The following SLC25A4 variants were observed in gnomAD, a reference collection of about 807,000 sequenced individuals.
The protein encoded by SLC25A4 is ADP/ATP translocase 1.
Under a neutral mutation model 24.7 loss-of-function variants are expected in SLC25A4, and 10 were observed. The ratio of observed to expected loss-of-function variants is 0.41; its 90% CI spans 0.25 to 0.69. The LOEUF (loss-of-function observed/expected upper bound fraction) is 0.69, where lower values mean the gene tolerates loss of function less well. Among genes scored for constraint, SLC25A4 ranks in the 30% least tolerant of loss-of-function variants. The pLI is 0.35. For missense variants in SLC25A4, 273 were observed against 387.6 expected (o/e 0.70, Z 2.48); for synonymous variants, 125 against 153.3 (o/e 0.82, Z 1.36).
intron 1 of SLC25A4, among the ~76,000 whole-genome samples, chr4:185,144,120 A>C (rs890042128): frequency 6.6e-6 from 1 of 152,158 alleles, no homozygotes; most frequent in African/African-American, 2.4e-5. Flanking sequence ...CCACCTGCCC[A>C]AAAGGTCAGG....
Position 185,146,947 on chromosome 4 carries a change from T to C in SLC25A4, c.873T>C (p.Tyr291=). The part of the protein sequence containing the change: ...GMGGAFVLVL[Y]DEIKKYV ...GCGGTGCTTTTGTATTGGTGTTGTA[T>C]GATGAGATCAAAAAATATGTCTAAT... Residue 291 remains tyrosine (Y), a synonymous_variant, in exon 4 of 4, where the codon TAT becomes TAC. Transcript: ENST00000281456. 1 of 1,614,160 alleles carries C rather than the reference T, an allele frequency of 6.2e-7. No homozygotes were observed. The highest frequency in any genetic ancestry group is 2.2e-5 in the East Asian group (1 of 44,882).
chr4:185,145,655 G>A lies in SLC25A4; in HGVS notation c.599-104G>A. 1 of 1,440,934 alleles carries A rather than the reference G, an allele frequency of 6.9e-7. No individual in the cohort carries two copies. The allele number at this position is 1,440,934 out of a possible 1,614,324, so 89.3% of individuals were successfully genotyped here. On this transcript the variant is annotated intron_variant, in intron 2 of 3. Coordinates refer to ENST00000281456, the MANE Select transcript of SLC25A4 (RefSeq NM_001151.4). The surrounding 1 kb of genome is among the most constrained non-coding windows in gnomAD (Gnocchi z 5.5). ...CTGCACAGGGGCAGGTTCCCCGCAA[G>A]GTCAGAGCATGGAGCTGGAGGTGCA...
At position 185,148,413 on chromosome 4, in the gene SLC25A4, AATAG is replaced by A. The variant is rs1191988980; in HGVS notation, c.*1447_*1450del. The stretch of plus-strand genomic sequence containing the variant: ...ACCTCTTAGGCCCCGTGGAAGGGAA[AATAG>A]ATAGGAACCTGCCCTGAAAGATGCT... On this transcript the variant is annotated 3_prime_UTR_variant, in exon 4 of 4. Transcript: ENST00000281456. 2 of 152,352 alleles carry A rather than the reference AATAG, an allele frequency of 1.3e-5. No homozygotes were observed. Among genetic ancestry groups the A allele is most frequent in the East Asian group, 3.9e-4 (2 of 5,188 alleles). 9.4% of individuals were successfully genotyped at this position (152,352 alleles called of 1,614,324 possible).
In SLC25A4 at chr4:185,144,829, G is replaced by T. The variant is rs754987838; in HGVS notation, c.177G>T (p.Val59=). 6.2e-7 allele frequency: 1 copy of T among 1,614,154 alleles called. No individual in the cohort carries two copies. The highest frequency in any genetic ancestry group is 8.5e-7 in the Non-Finnish European group (1 of 1,180,044). Residue 59 remains valine, a synonymous_variant, in exon 2 of 4, where the codon GTG becomes GTT. Coordinates refer to ENST00000281456, the MANE Select transcript of SLC25A4 (RefSeq NM_001151.4). The stretch of plus-strand genomic sequence containing the variant: ...ACAAAGGGATCATTGATTGTGTGGT[G>T]AGAATCCCTAAGGAGCAGGGCTTCC... ...KQYKGIIDCV[V]RIPKEQGFLS...
In SLC25A4 at chr4:185,145,735, T is replaced by C. The variant is rs1262291347; in HGVS notation, c.599-24T>C. 3.7e-6 allele frequency: 6 copies of C among 1,613,984 alleles called. No individual in the cohort carries two copies. The highest frequency in any genetic ancestry group is 5.1e-6 in the Non-Finnish European group (6 of 1,179,968). ...CTGAGAACAGGCACTTCATAGCCGT[T>C]CGGCTTCTGGGCTCTGTCCACAGGG... On this transcript the variant is annotated intron_variant, in intron 2 of 3. Transcript: ENST00000281456. This position sits in a 1 kb window ranked among gnomAD's most constrained non-coding sequence, Gnocchi z 5.5.
At position 185,150,100 on chromosome 4, in the gene SLC25A4, G is replaced by A. The variant is rs925245760; in HGVS notation, c.*3129G>A. The A allele has an allele frequency of 2.6e-5, 4 of 152,260 alleles. No individual in the cohort carries two copies. Among genetic ancestry groups the A allele is most frequent in the African/African-American group, 7.2e-5 (3 of 41,464 alleles). The allele number at this position is 152,260 out of a possible 1,614,324, so 9.4% of individuals were successfully genotyped here. ...GCAAGAGAATCGAGCGCCGCAAGGCGAGCTTATCTTCCACACCTGGTACAG... is the reference window on the plus strand; with the variant it reads ...GCAAGAGAATCGAGCGCCGCAAGGCAAGCTTATCTTCCACACCTGGTACAG... On this transcript the variant is annotated 3_prime_UTR_variant, in exon 4 of 4. Transcript: ENST00000281456.
chr4:185,144,678 G>A, intron 1 of SLC25A4, 86 bp from the exon 2 acceptor site: 1 of 1,330,844 alleles, frequency 7.5e-7, no homozygotes, highest in Non-Finnish European at 1.1e-6. Context: ...AAAAAATCTA[G>A]GAAGTGCAAA....
In SLC25A4 at chr4:185,145,897, G is replaced by C. The variant is rs753986455; in HGVS notation, c.737G>C (p.Gly246Ala). ...RRMMMQSGRKGADIMYTGTVD... is the reference protein window; with the variant it reads ...RRMMMQSGRKAADIMYTGTVD... ...ATGATGATGCAGTCCGGCCGGAAAG[G>C]GGGTAAGCTTGTGCTCTACTCATCT... The change falls in exon 3 of 4, where the codon GGG becomes GCG. Residue 246 changes from glycine to alanine, a missense_variant and splice_region_variant. Transcript: ENST00000281456. The surrounding 1 kb of genome is among the most constrained non-coding windows in gnomAD (Gnocchi z 5.5). 43 of 1,614,164 alleles carry C rather than the reference G, an allele frequency of 2.7e-5. No homozygotes were observed. In the East Asian group the frequency reaches 8.2e-4, roughly 31 times the overall value.
chr4:185,147,030 C>A lies in SLC25A4; in HGVS notation c.*59C>A, dbSNP rs1734454095. 1.3e-6 allele frequency: 2 copies of A among 1,503,640 alleles called. No individual in the cohort carries two copies. Among genetic ancestry groups the A allele is most frequent in the Non-Finnish European group, 1.8e-6 (2 of 1,086,458 alleles). 93.1% of individuals were successfully genotyped at this position (1,503,640 alleles called of 1,614,324 possible). ...GAACTTGATCTACAAGTTCACAGAT[C>A]CATTGTGTGGTTTAATAGACTATTC... On this transcript the variant is annotated 3_prime_UTR_variant, in exon 4 of 4. Coordinates refer to ENST00000281456, the MANE Select transcript of SLC25A4 (RefSeq NM_001151.4).
chr4:185,145,616 CAT>C lies in SLC25A4; in HGVS notation c.599-140_599-139del, dbSNP rs558536375. 151 of 1,007,048 alleles carry C rather than the reference CAT, an allele frequency of 1.5e-4. No homozygotes were observed. The African/African-American group carries it at 2.2e-3, about 15-fold the overall frequency. 62.4% of individuals were successfully genotyped at this position (1,007,048 alleles called of 1,614,324 possible). On this transcript the variant is annotated intron_variant, in intron 2 of 3. Coordinates refer to ENST00000281456, the MANE Select transcript of SLC25A4 (RefSeq NM_001151.4). The surrounding 1 kb of genome is among the most constrained non-coding windows in gnomAD (Gnocchi z 5.5). ...CAGCCACCTTTGCTGTCTGCCTGGT[CAT>C]ATGTGAAGCACCTGCACAGGGGCAG... is the stretch of plus-strand genomic sequence containing the variant.
Position 185,145,419 on chromosome 4 carries a change from CCTT to C in SLC25A4, c.598+170_598+172del. On this transcript the variant is annotated intron_variant, in intron 2 of 3. Coordinates refer to ENST00000281456, the MANE Select transcript of SLC25A4 (RefSeq NM_001151.4). The surrounding 1 kb of genome is among the most constrained non-coding windows in gnomAD (Gnocchi z 5.5). ...TGCATAAGTTAATAGCTGAAGCGTTCCTTGTGTCCTCTACTGAAATAAACTCTG... is the reference window on the plus strand; with the variant it reads ...TGCATAAGTTAATAGCTGAAGCGTTCGTGTCCTCTACTGAAATAAACTCTG... The C allele has an allele frequency of 1.0e-6, 1 of 987,930 alleles. No individual in the cohort carries two copies. The highest frequency in any genetic ancestry group is 3.3e-4 in the Middle Eastern group (1 of 3,066). The allele number at this position is 987,930 out of a possible 1,614,324, so 61.2% of individuals were successfully genotyped here.
chr4:185,146,736 G>C lies in SLC25A4; in HGVS notation c.740-78G>C, dbSNP rs564400691. 1.1e-5 allele frequency: 17 copies of C among 1,536,068 alleles called. No individual in the cohort carries two copies. The South Asian group carries it at 1.1e-4, about 10-fold the overall frequency. ...CCCTGATTTTATAAAACTGGTAACA[G>C]TGTGTACAGATATGTTTCAGGGGAA... is the stretch of plus-strand genomic sequence containing the variant. On this transcript the variant is annotated intron_variant, in intron 3 of 3. Coordinates refer to ENST00000281456, the MANE Select transcript of SLC25A4 (RefSeq NM_001151.4).
chr4:185,146,978 T>G lies in SLC25A4; in HGVS notation c.*7T>G. On this transcript the variant is annotated 3_prime_UTR_variant, in exon 4 of 4. Transcript: ENST00000281456. ...GATCAAAAAATATGTCTAATGTAAT[T>G]AAAACACAAGTTCACAGATTTACAG... The G allele has an allele frequency of 6.2e-7, 1 of 1,612,804 alleles. No homozygotes were observed. The highest frequency in any genetic ancestry group is 8.5e-7 in the Non-Finnish European group (1 of 1,179,006).
chr4:185,144,690 C>T (rs1579209297), intron 1 of SLC25A4, 74 bp from the exon 2 acceptor site: 2 of 1,404,982 alleles, frequency 1.4e-6, no homozygotes, highest in African/African-American at 1.4e-5. Context: ...AAGTGCAAAC[C>T]TTTTTTTTTC....
At position 185,145,433 on chromosome 4, in the gene SLC25A4, C is replaced by A; in HGVS notation, c.598+183C>A. The A allele has an allele frequency of 1.1e-6, 1 of 881,274 alleles. No homozygotes were observed. Among genetic ancestry groups the A allele is most frequent in the Non-Finnish European group, 1.7e-6 (1 of 583,224 alleles). The allele number at this position is 881,274 out of a possible 1,614,324, so 54.6% of individuals were successfully genotyped here. ...GCTGAAGCGTTCCTTGTGTCCTCTA[C>A]TGAAATAAACTCTGGCCTTTAGTTA... On this transcript the variant is annotated intron_variant, in intron 2 of 3. Transcript: ENST00000281456. This position sits in a 1 kb window ranked among gnomAD's most constrained non-coding sequence, Gnocchi z 5.5.
Position 185,145,392 on chromosome 4 carries a change from T to C in SLC25A4, c.598+142T>C. The C allele has an allele frequency of 7.9e-7, 1 of 1,270,560 alleles. No homozygotes were observed. The highest frequency in any genetic ancestry group is 1.1e-6 in the Non-Finnish European group (1 of 903,240). The allele number at this position is 1,270,560 out of a possible 1,614,324, so 78.7% of individuals were successfully genotyped here. A position where few individuals can be genotyped will look rare whatever the true frequency, so the allele number is the denominator to read the frequency against. On this transcript the variant is annotated intron_variant, in intron 2 of 3. Transcript: ENST00000281456. The surrounding 1 kb of genome is among the most constrained non-coding windows in gnomAD (Gnocchi z 5.5). ...TTGAGGCTTCTGAATGAGGAGGTGA[T>C]GTGCATAAGTTAATAGCTGAAGCGT...
chr4:185,146,691 G>C, intron 3 of SLC25A4, 123 bp from the exon 4 acceptor site: 3 of 1,060,470 alleles, frequency 2.8e-6, no homozygotes, highest in Non-Finnish European at 4.4e-6. Context: ...GCATGGAGCT[G>C]GGACTCCATG....
rs1011931645 is a variant in SLC25A4 at position 185,145,101 on chromosome 4, C to T, written c.449C>T (p.Ala150Val). ...GCTGCTGATGTGGGCAAGGGCGCCG[C>T]CCAGCGTGAGTTCCATGGTCTGGGC... ...RLAADVGKGA[A>V]QREFHGLGDC... Residue 150 changes from alanine (A) to valine (V), a missense_variant, in exon 2 of 4, where the codon GCC (alanine) becomes GTC (valine). Coordinates refer to ENST00000281456, the MANE Select transcript of SLC25A4 (RefSeq NM_001151.4). The surrounding 1 kb of genome is among the most constrained non-coding windows in gnomAD (Gnocchi z 5.5). 1.9e-6 allele frequency: 3 copies of T among 1,613,000 alleles called. No homozygotes were observed. The highest frequency in any genetic ancestry group is 2.5e-6 in the Non-Finnish European group (3 of 1,179,280).
rs1734502846 is a variant in SLC25A4, at chr4:185,149,622, A to G, written c.*2651A>G. 6.6e-6 allele frequency: 1 copy of G among 152,210 alleles called. No homozygotes were observed. Among genetic ancestry groups the G allele is most frequent in the Admixed American group, 6.5e-5 (1 of 15,276 alleles). The allele number at this position is 152,210 out of a possible 1,614,324, so 9.4% of individuals were successfully genotyped here. On this transcript the variant is annotated 3_prime_UTR_variant, in exon 4 of 4. Transcript: ENST00000281456. Reference sequence around the variant, plus strand: ...CCCGCACGCCATACCATCATTGTGCAAAGCTGCCTCATGCTGGAAGGTCTG... The same window carrying G: ...CCCGCACGCCATACCATCATTGTGCGAAGCTGCCTCATGCTGGAAGGTCTG...
Sources: gnomAD v4.1 joint callset for allele counts (sites outside exome capture counted in the v4.1 genomes callset) on GRCh38, gnomAD v4.1.1 for gene constraint, Gnocchi (gnomAD v3.1) non-coding constraint, MANE v1.5 for transcripts, NCBI Gene and HGNC (gene_info 2026-07-23, HGNC 2026-07-21) for gene names.